Variants in GRIK4 observed in about 807,000 individuals in gnomAD.
GRIK4 encodes the protein glutamate ionotropic receptor kainate type subunit 4.
Under a neutral mutation model 104.9 loss-of-function variants are expected in GRIK4, and 40 were observed. That is an observed-to-expected ratio of 0.38 (90% CI 0.30 to 0.50). GRIK4 has a LOEUF of 0.50. Ranked by LOEUF, GRIK4 falls within the 20% of genes least tolerant of loss-of-function variation. The pLI, the probability that GRIK4 is intolerant of heterozygous loss-of-function variation, is 0.93. For missense variants in GRIK4, 1,047 were observed against 1,308.1 expected (o/e 0.80, Z 3.08); for synonymous variants, 485 against 524.9 (o/e 0.92, Z 1.04).
At chr11:120,715,875 T>G (rs1349024158) in intron 3 of GRIK4, among the ~76,000 whole-genome samples, 3 of 152,028 alleles carry the variant, frequency 2.0e-5, no homozygotes, top group Non-Finnish European at 4.4e-5. Flanking sequence ...TAATTTAATT[T>G]AAATGAATTA....
chr11:120,714,875 G>A (rs961366701), intron 3 of GRIK4, among the ~76,000 whole-genome samples: 8 of 152,154 alleles, frequency 5.3e-5, no homozygotes, highest in African/African-American at 1.4e-4. Context: ...AGGAGGGTTC[G>A]GCTTTAGCCT....
chr11:120,931,891 C>T (rs1943488955), intron 13 of GRIK4, among the ~76,000 whole-genome samples: 1 of 152,178 alleles, frequency 6.6e-6, no homozygotes, highest in South Asian at 2.1e-4. Context: ...CAGCATGCTC[C>T]TGGCCCTGTG....
rs1199416865 is a variant in GRIK4 at position 120,524,955 on chromosome 11, C to T, written c.-159+13068C>T. 6.6e-6 allele frequency among the ~76,000 whole-genome samples: 1 copy of T among 152,182 alleles called. No individual in the cohort carries two copies. Among genetic ancestry groups the T allele is most frequent in the Admixed American group, 6.5e-5 (1 of 15,286 alleles). ...CCTAGTCCACCTTCCGTCTTCTTGG[C>T]TTCTGGAGCCCATCAGGGGCTGCAC... On this transcript the variant is annotated intron_variant, in intron 1 of 20. Coordinates refer to ENST00000527524, the MANE Select transcript of GRIK4 (RefSeq NM_014619.5). This position sits in a 1 kb window ranked among gnomAD's most constrained non-coding sequence, Gnocchi z 4.5.
chr11:120,571,158 T>G (rs1948392970), intron 1 of GRIK4, among the ~76,000 whole-genome samples: 1 of 152,296 alleles, frequency 6.6e-6, no homozygotes, highest in African/African-American at 2.4e-5. Flanking sequence ...CCCTCCTCCC[T>G]AGACTCCTTT....
At chr11:120,584,328 G>C (rs1248245310) in intron 1 of GRIK4, among the ~76,000 whole-genome samples, 1 of 152,204 alleles carries the variant, frequency 6.6e-6, no homozygotes, top group Non-Finnish European at 1.5e-5. Context: ...AAATACCTGA[G>C]ACTGGTAATT....
chr11:120,700,443 T>C (rs2135331394), intron 3 of GRIK4, among the ~76,000 whole-genome samples: 1 of 151,838 alleles, frequency 6.6e-6, no homozygotes, highest in African/African-American at 2.4e-5. Flanking sequence ...CTGGCTAATT[T>C]TTGTATTTTT....
intron 3 of GRIK4, among the ~76,000 whole-genome samples, chr11:120,794,622 C>CA (rs574142606): frequency 1.3e-5 from 2 of 152,126 alleles, no homozygotes; most frequent in Non-Finnish European, 2.9e-5. Flanking sequence ...GAGAAGGTGC[C>CA]ATCCGCACAC....
At chr11:120,594,304 C>A (rs1025218215) in intron 1 of GRIK4, among the ~76,000 whole-genome samples, 10 of 152,012 alleles carry the variant, frequency 6.6e-5, no homozygotes, top group African/African-American at 2.4e-4. Flanking sequence ...ATGGTGAGAC[C>A]CCGTGTCTTA....
At chr11:120,804,020 C>A (rs1222555736) in intron 4 of GRIK4, among the ~76,000 whole-genome samples, 1 of 152,184 alleles carries the variant, frequency 6.6e-6, no homozygotes, top group Non-Finnish European at 1.5e-5. Flanking sequence ...TCCCTACAGT[C>A]CTCCGGCCTG....
At chr11:120,631,270 C>G (rs144523835) in intron 1 of GRIK4, among the ~76,000 whole-genome samples, 6 of 152,354 alleles carry the variant, frequency 3.9e-5, no homozygotes, top group Non-Finnish European at 8.8e-5. Flanking sequence ...TTCCCAAGTG[C>G]TTCTCAAGCA....
At chr11:120,898,489 G>C (rs938697032) in intron 11 of GRIK4, 43 bp from the exon 12 acceptor site, 1 of 1,136,218 alleles carries the variant, frequency 8.8e-7, no homozygotes, top group Non-Finnish European at 1.3e-6. Flanking sequence ...TCCAGCTCTG[G>C]AGGCCACCAT....
chr11:120,944,774 T>C (rs1292941685), intron 14 of GRIK4, among the ~76,000 whole-genome samples: 1 of 152,238 alleles, frequency 6.6e-6, no homozygotes, highest in Non-Finnish European at 1.5e-5. Context: ...GGACCCAGAC[T>C]GTCTGGGTTT....
intron 3 of GRIK4, among the ~76,000 whole-genome samples, chr11:120,796,702 G>A (rs1037231793): frequency 2.6e-5 from 4 of 152,152 alleles, no homozygotes; most frequent in African/African-American, 9.7e-5. Flanking sequence ...CTTGTTGGGG[G>A]TGGAGGGGAT....
intron 8 of GRIK4, among the ~76,000 whole-genome samples, chr11:120,861,611 A>G (rs970013312): frequency 6.6e-6 from 1 of 152,146 alleles, no homozygotes; most frequent in African/African-American, 2.4e-5. Context: ...ATGCCTATGT[A>G]TCCTTCAAGA....
chr11:120,758,163 G>C (rs1480158645), intron 3 of GRIK4, among the ~76,000 whole-genome samples: 1 of 152,110 alleles, frequency 6.6e-6, no homozygotes, highest in Non-Finnish European at 1.5e-5. Flanking sequence ...CCATGCAGCA[G>C]AACAGTGGGT....
intron 13 of GRIK4, among the ~76,000 whole-genome samples, chr11:120,933,205 C>T (rs963077889): frequency 3.9e-5 from 6 of 152,312 alleles, no homozygotes; most frequent in South Asian, 2.1e-4. Context: ...CGGGAAAGGC[C>T]GCAGGGGCCA....
At chr11:120,846,130 AG>A in intron 8 of GRIK4, among the ~76,000 whole-genome samples, 1 of 152,362 alleles carries the variant, frequency 6.6e-6, no homozygotes, top group East Asian at 1.9e-4. Flanking sequence ...GAGAATCACA[AG>A]GGGATTCAGG....
intron 3 of GRIK4, among the ~76,000 whole-genome samples, chr11:120,712,623 TAAA>T (rs72232565): frequency 7.2e-6 from 1 of 138,038 alleles, no homozygotes; most frequent in Non-Finnish European, 1.6e-5. Context: ...CCCTGTCTCT[TAAA>T]AAAAAAAAAA....
intron 3 of GRIK4, among the ~76,000 whole-genome samples, chr11:120,700,316 G>A (rs1423612077): frequency 3.4e-5 from 5 of 147,126 alleles, no homozygotes; most frequent in African/African-American, 1.3e-4. Context: ...CGCCCAGGCT[G>A]GAGTGGAGTG....
Sources: gnomAD v4.1 joint callset for allele counts (sites outside exome capture counted in the v4.1 genomes callset) on GRCh38, gnomAD v4.1.1 for gene constraint, Gnocchi (gnomAD v3.1) non-coding constraint, MANE v1.5 for transcripts, NCBI Gene and HGNC (gene_info 2026-07-23, HGNC 2026-07-21) for gene names.